The following DRG1 variants were observed in gnomAD, a reference collection of about 807,000 sequenced individuals.
DRG1 encodes developmentally regulated GTP binding protein 1, also known as developmentally-regulated GTP-binding protein 1.
In DRG1, 19 loss-of-function variants were observed where a neutral mutation model predicts 38.8. The observed-to-expected ratio is 0.49, with a 90% CI of 0.34 to 0.72. The LOEUF is 0.72. DRG1 is among the 30% of genes least tolerant of loss of function. The pLI, the probability that DRG1 is intolerant of heterozygous loss-of-function variation, is 0.01. For synonymous variants in DRG1, 167 were observed against 157.5 expected (o/e 1.06, Z -0.45); for missense variants, 299 against 444.8 (o/e 0.67, Z 2.95).
chr22:31,416,522 A>G (rs1291585329), intron 4 of DRG1, among the ~76,000 whole-genome samples: 1 of 151,570 alleles, frequency 6.6e-6, no homozygotes, highest in Admixed American at 6.6e-5. Context: ...TGGGAGGCCA[A>G]GGTGGGTGGA....
intron 3 of DRG1, 117 bp from the exon 4 acceptor site, chr22:31,410,895 T>C (rs2050014805): frequency 2.0e-6 from 2 of 998,648 alleles, no homozygotes; most frequent in Non-Finnish European, 3.0e-6. Flanking sequence ...ATAAGGAAGA[T>C]TGGATTTGGG....
chr22:31,412,912 T>A (rs899803478), intron 4 of DRG1, among the ~76,000 whole-genome samples: 12 of 151,914 alleles, frequency 7.9e-5, no homozygotes, highest in Non-Finnish European at 1.3e-4. Flanking sequence ...GCCTTTTTTT[T>A]ATTTTTATTT....
chr22:31,425,528 A>G (rs1226448675), intron 6 of DRG1, among the ~76,000 whole-genome samples: 1 of 151,012 alleles, frequency 6.6e-6, no homozygotes, highest in Non-Finnish European at 1.5e-5. Flanking sequence ...GCAGCCTTGA[A>G]CTCCCGGGCT....
intron 8 of DRG1, among the ~76,000 whole-genome samples, chr22:31,431,079 AGGCT>A (rs2050136876): frequency 9.0e-6 from 1 of 111,108 alleles, no homozygotes; most frequent in Non-Finnish European, 1.7e-5. Context: ...TCTGTTGCCC[AGGCT>A]GAGTGCAGTG....
intron 3 of DRG1, among the ~76,000 whole-genome samples, chr22:31,405,172 CTTT>C (rs1278780788): frequency 7.2e-6 from 1 of 139,062 alleles, no homozygotes. Context: ...AATAAATTTT[CTTT>C]TTTTTTTTTT....
chr22:31,422,436 G>GA (rs936288887), intron 5 of DRG1, among the ~76,000 whole-genome samples: 1 of 151,102 alleles, frequency 6.6e-6, no homozygotes, highest in Non-Finnish European at 1.5e-5. Context: ...CGTCTCAAAA[G>GA]AAAAAAAAGA....
At chr22:31,407,620 G>A (rs183308643) in intron 3 of DRG1, among the ~76,000 whole-genome samples, 1 of 151,938 alleles carries the variant, frequency 6.6e-6, no homozygotes, top group Admixed American at 6.6e-5. Flanking sequence ...ATAGGCATGA[G>A]CCACTGTCCT....
intron 3 of DRG1, among the ~76,000 whole-genome samples, chr22:31,405,602 A>G (rs961845797): frequency 1.3e-5 from 2 of 151,196 alleles, no homozygotes; most frequent in Non-Finnish European, 2.9e-5. Context: ...GAACAGTTTT[A>G]GATTATTCAT....
chr22:31,404,938 A>G (rs2049981285), intron 3 of DRG1, among the ~76,000 whole-genome samples: 1 of 152,018 alleles, frequency 6.6e-6, no homozygotes, highest in African/African-American at 2.4e-5. Flanking sequence ...ATTTAAATAA[A>G]TATTTTTTTT....
chr22:31,417,069 A>T (rs577476090), intron 4 of DRG1, among the ~76,000 whole-genome samples: 162 of 150,032 alleles, frequency 1.1e-3, no homozygotes, highest in Middle Eastern at 3.4e-3. Context: ...GTCTCAAAAA[A>T]AAAAATAATA....
chr22:31,418,696 T>A (rs2050057984), intron 4 of DRG1, among the ~76,000 whole-genome samples: 1 of 151,928 alleles, frequency 6.6e-6, no homozygotes, highest in African/African-American at 2.4e-5. Context: ...TTTATTTATT[T>A]TTGTAGATGG....
intron 6 of DRG1, among the ~76,000 whole-genome samples, chr22:31,426,167 A>C (rs1210943514): frequency 6.6e-6 from 1 of 152,176 alleles, no homozygotes; most frequent in African/African-American, 2.4e-5. Context: ...ACCTCTTCAT[A>C]TCCACAGAGG....
chr22:31,421,035 T>G (rs1395722053), intron 5 of DRG1, among the ~76,000 whole-genome samples: 2 of 152,126 alleles, frequency 1.3e-5, no homozygotes, highest in African/African-American at 4.8e-5. Flanking sequence ...GCTTCATGCC[T>G]CAACCTCCTG....
At position 31,422,996 on chromosome 22, in the gene DRG1, G is replaced by A. The variant is rs184401034; in HGVS notation, c.583-284G>A. On this transcript the variant is annotated intron_variant, in intron 5 of 8. Transcript: ENST00000331457. ...ATGACCTTATTCTAATTTGATTACCGCTTTAAAGACCCTATCTCCAAATAC... is the reference window on the plus strand; with the variant it reads ...ATGACCTTATTCTAATTTGATTACCACTTTAAAGACCCTATCTCCAAATAC... Among the ~76,000 whole-genome samples the A allele has an allele frequency of 1.1e-3, 168 of 152,084 alleles. 2 individuals are homozygous for A. The highest frequency in any genetic ancestry group is 3.0e-3 in the African/African-American group (124 of 41,496).
chr22:31,420,435 G>A lies in DRG1; in HGVS notation c.582+10G>A, dbSNP rs200607015. On this transcript the variant is annotated intron_variant, in intron 5 of 8. Transcript: ENST00000331457. The stretch of plus-strand genomic sequence containing the variant: ...TAATCTCACAGCCACTGTAAGTGGG[G>A]AATATGACATGGGGCAGGCTGCTGC... 5.0e-6 allele frequency: 8 copies of A among 1,614,058 alleles called. No individual in the cohort carries two copies. The highest frequency in any genetic ancestry group is 1.6e-4 in the Middle Eastern group (1 of 6,062).
At chr22:31,419,496 ATATATTT>A (rs948510487) in intron 4 of DRG1, among the ~76,000 whole-genome samples, 1 of 152,020 alleles carries the variant, frequency 6.6e-6, no homozygotes, top group African/African-American at 2.4e-5. Context: ...GGCCAAAATA[ATATATTT>A]TATATGATTC....
chr22:31,400,943 CAAA>C (rs372167369), intron 2 of DRG1, among the ~76,000 whole-genome samples, 200 bp downstream of exon 2: 6,211 of 106,058 alleles, frequency 0.059, 118 homozygotes, highest in Non-Finnish European at 0.068. Flanking sequence ...ACCCCCATCT[CAAA>C]AAAAAAAAAA....
intron 3 of DRG1, among the ~76,000 whole-genome samples, chr22:31,404,529 C>T (rs1006325103): frequency 2.0e-5 from 3 of 151,802 alleles, no homozygotes; most frequent in African/African-American, 4.8e-5. Flanking sequence ...CGTGAGCCAC[C>T]GCGCCTGGTC....
chr22:31,404,049 TAG>T (rs1239012791), intron 3 of DRG1, among the ~76,000 whole-genome samples: 12 of 132,502 alleles, frequency 9.1e-5, no homozygotes, highest in African/African-American at 3.3e-4. Flanking sequence ...TATTTCAAAA[TAG>T]AGAGTTGCTT....
Sources: gnomAD v4.1 joint callset for allele counts (sites outside exome capture counted in the v4.1 genomes callset) on GRCh38, gnomAD v4.1.1 for gene constraint, MANE v1.5 for transcripts, NCBI Gene and HGNC (gene_info 2026-07-23, HGNC 2026-07-21) for gene names.